Variants in CNTN4 observed in about 807,000 individuals in gnomAD.
CNTN4 encodes the protein contactin-4.
CNTN4 carries 77 observed loss-of-function variants against 122.5 expected under a neutral mutation model. The observed-to-expected ratio is 0.63, with a 90% CI of 0.52 to 0.76. The LOEUF is 0.76. CNTN4 is among the 30% of genes least tolerant of loss of function. CNTN4 has a pLI of 0.00. For missense variants in CNTN4, 1,256 were observed against 1,259.1 expected (o/e 1.00, Z 0.04); for synonymous variants, 512 against 447.0 (o/e 1.15, Z -1.83).
intron 6 of CNTN4, among the ~76,000 whole-genome samples, chr3:2,781,941 T>A (rs998954791): frequency 6.8e-6 from 1 of 148,032 alleles, no homozygotes; most frequent in Non-Finnish European, 1.5e-5. Context: ...GCCAGGATGG[T>A]CTCGATCTCC....
intron 3 of CNTN4, among the ~76,000 whole-genome samples, chr3:2,450,536 G>A (rs907057230): frequency 3.5e-4 from 54 of 152,138 alleles, no homozygotes; most frequent in African/African-American, 1.3e-3. Flanking sequence ...TTTGGTGACA[G>A]GTTTAGCATA....
intron 13 of CNTN4, among the ~76,000 whole-genome samples, chr3:2,977,116 C>T (rs1693494179): frequency 6.6e-6 from 1 of 152,212 alleles, no homozygotes; most frequent in African/African-American, 2.4e-5. Flanking sequence ...ACTCCTTCTA[C>T]ATTGTGACTA....
chr3:2,643,166 C>A (rs1338384897), intron 4 of CNTN4, among the ~76,000 whole-genome samples: 1 of 151,964 alleles, frequency 6.6e-6, no homozygotes, highest in Non-Finnish European at 1.5e-5. Context: ...TCTTAGAAAG[C>A]TTTTTGTTTG....
chr3:2,736,000 T>C (rs2089060586), intron 4 of CNTN4: 1 of 673,808 alleles, frequency 1.5e-6, no homozygotes, highest in African/African-American at 1.8e-5. Flanking sequence ...TAGTGACCAA[T>C]GTGAAATAAG....
chr3:2,147,599 A>ATCT (rs2035305328), intron 2 of CNTN4, among the ~76,000 whole-genome samples: 1 of 152,012 alleles, frequency 6.6e-6, no homozygotes, highest in Non-Finnish European at 1.5e-5. Flanking sequence ...TTTTGTAGAG[A>ATCT]TGCCAGTGAG....
At chr3:2,850,760 T>A (rs907020242) in intron 7 of CNTN4, among the ~76,000 whole-genome samples, 1 of 152,246 alleles carries the variant, frequency 6.6e-6, no homozygotes, top group African/African-American at 2.4e-5. Context: ...GAAATAGATT[T>A]GTGTATTTTT....
intron 4 of CNTN4, among the ~76,000 whole-genome samples, chr3:2,729,562 A>G (rs1187600537): frequency 6.7e-6 from 1 of 150,306 alleles, no homozygotes; most frequent in African/African-American, 2.4e-5. Flanking sequence ...AAAAAAAAAA[A>G]AGAAGAGAAA....
chr3:2,145,925 T>G (rs775755936), intron 2 of CNTN4, among the ~76,000 whole-genome samples: 4 of 147,978 alleles, frequency 2.7e-5, no homozygotes, highest in Middle Eastern at 3.3e-3. Flanking sequence ...ATGCTGTAAT[T>G]ACTACACTGG....
chr3:3,054,917 T>C (rs796115029), intron 24 of CNTN4, among the ~76,000 whole-genome samples: 1 of 152,234 alleles, frequency 6.6e-6, no homozygotes, highest in African/African-American at 2.4e-5. Context: ...GGCTTTCAGA[T>C]TTCAGTCTGG....
At chr3:2,787,566 C>T (rs1388360128) in intron 6 of CNTN4, among the ~76,000 whole-genome samples, 2 of 152,104 alleles carry the variant, frequency 1.3e-5, no homozygotes, top group Non-Finnish European at 2.9e-5. Flanking sequence ...AAGAAGAATC[C>T]TGTAATGACT....
intron 8 of CNTN4, among the ~76,000 whole-genome samples, chr3:2,871,227 C>T (rs1175072531): frequency 6.6e-6 from 1 of 152,162 alleles, no homozygotes; most frequent in African/African-American, 2.4e-5. Flanking sequence ...ACAACATCTA[C>T]CTCAGATAGT....
At chr3:2,179,510 T>C (rs2149276406) in intron 2 of CNTN4, among the ~76,000 whole-genome samples, 1 of 152,146 alleles carries the variant, frequency 6.6e-6, no homozygotes, top group East Asian at 1.9e-4. Context: ...ACAAAAAATA[T>C]TACCCTATTA....
chr3:2,196,015 A>G (rs1226582845), intron 2 of CNTN4, among the ~76,000 whole-genome samples: 1 of 152,232 alleles, frequency 6.6e-6, no homozygotes, highest in African/African-American at 2.4e-5. Flanking sequence ...ACTTCTGGAA[A>G]AAATCTAGAG....
chr3:2,606,838 A>C (rs1444908039), intron 4 of CNTN4, among the ~76,000 whole-genome samples: 1 of 152,198 alleles, frequency 6.6e-6, no homozygotes, highest in Non-Finnish European at 1.5e-5. Context: ...TTACCATTTA[A>C]ATGGAAGATA....
chr3:2,173,404 A>G (rs1167413427), intron 2 of CNTN4, among the ~76,000 whole-genome samples: 1 of 152,214 alleles, frequency 6.6e-6, no homozygotes, highest in African/African-American at 2.4e-5. Flanking sequence ...CCCATAATGT[A>G]ATTTACCTGT....
In CNTN4 at chr3:2,756,190, A is replaced by G. The variant is rs1218668315; in HGVS notation, c.358+10493A>G. On this transcript the variant is annotated intron_variant, in intron 6 of 24. Transcript: ENST00000418658. Reference sequence around the variant, plus strand: ...CTAATTGACTAACTATAGTGATTTGAATGGTACCTGCTATAGACTGAATAT... The same window carrying G: ...CTAATTGACTAACTATAGTGATTTGGATGGTACCTGCTATAGACTGAATAT... Among the ~76,000 whole-genome samples, 3 of 152,206 alleles carry G rather than the reference A, an allele frequency of 2.0e-5. No homozygotes were observed. The South Asian group carries it at 6.2e-4, about 32-fold the overall frequency.
At chr3:2,248,172 C>A (rs1419296860) in intron 2 of CNTN4, among the ~76,000 whole-genome samples, 2 of 151,998 alleles carry the variant, frequency 1.3e-5, no homozygotes, top group Non-Finnish European at 2.9e-5. Flanking sequence ...ATTCTTGAAT[C>A]ATTAGCTCTA....
chr3:2,420,856 T>C (rs1047644403), intron 3 of CNTN4, among the ~76,000 whole-genome samples: 1 of 152,220 alleles, frequency 6.6e-6, no homozygotes, highest in Non-Finnish European at 1.5e-5. Context: ...TTAACGTTTC[T>C]GATCAGTAAA....
chr3:2,377,422 G>A (rs2045862466), intron 3 of CNTN4, among the ~76,000 whole-genome samples: 1 of 152,166 alleles, frequency 6.6e-6, no homozygotes, highest in Admixed American at 6.5e-5. Context: ...CCCACACACA[G>A]GTTGTTAAGT....
Sources: allele counts gnomAD v4.1 joint callset (sites outside exome capture counted in the v4.1 genomes callset), GRCh38; gene constraint gnomAD v4.1.1; transcripts MANE v1.5; gene names NCBI Gene and HGNC (gene_info 2026-07-23, HGNC 2026-07-21).